The following SLC44A3 variants were observed in gnomAD, a reference collection of about 807,000 sequenced individuals.
SLC44A3 encodes solute carrier family 44 member 3, also known as choline transporter-like protein 3.
Under a neutral mutation model 75.4 loss-of-function variants are expected in SLC44A3, and 74 were observed. The observed-to-expected ratio is 0.98, with a 90% CI of 0.81 to 1.19. SLC44A3 has a LOEUF of 1.19. SLC44A3 is among the 50% of genes most tolerant of loss of function. The pLI is 0.00. For missense variants in SLC44A3, 700 were observed against 778.6 expected, an observed-to-expected ratio of 0.90 and a Z score of 1.20; for synonymous variants, 310 against 296.9, an observed-to-expected ratio of 1.04 and a Z score of -0.45.
chr1:94,822,860 A>C (rs1385205417), intron 2 of SLC44A3, among the ~76,000 whole-genome samples: 1 of 152,194 alleles, frequency 6.6e-6, no homozygotes, highest in Non-Finnish European at 1.5e-5. Context: ...CCTGTCATAT[A>C]GAATCGCAAT....
Position 94,828,521 on chromosome 1 carries a change from T to C in SLC44A3, c.444T>C (p.Asn148=). 6.2e-7 allele frequency: 1 copy of C among 1,613,968 alleles called. No individual in the cohort carries two copies. Among genetic ancestry groups the C allele is most frequent in the Non-Finnish European group, 8.5e-7 (1 of 1,179,900 alleles). Residue 148 remains asparagine (N), a synonymous_variant, in exon 5 of 15, where the codon AAT becomes AAC. Transcript: ENST00000271227. Reference sequence around the variant, plus strand: ...CCTTCCTGTGTGTTTATAGTTTGAATTCCTTCAACTATACCCACAGTCCAA... The same window carrying C: ...CCTTCCTGTGTGTTTATAGTTTGAACTCCTTCAACTATACCCACAGTCCAA... The part of the protein sequence containing the change: ...SGSFLCVYSL[N]SFNYTHSPKA...
At chr1:94,881,870 A>AT (rs397796743) in intron 12 of SLC44A3, among the ~76,000 whole-genome samples, 1 of 149,750 alleles carries the variant, frequency 6.7e-6, no homozygotes. Flanking sequence ...AAAAAAAAAA[A>AT]TTAGCTGGGC....
chr1:94,892,601 C>T (rs1571496333), intron 14 of SLC44A3, 84 bp downstream of exon 14: 11 of 1,286,824 alleles, frequency 8.5e-6, no homozygotes, highest in East Asian at 2.3e-5. Context: ...GAAAGAGGCT[C>T]ATACCCAGCC....
intron 9 of SLC44A3, among the ~76,000 whole-genome samples, chr1:94,849,659 G>A (rs1384302935): frequency 6.6e-6 from 1 of 152,230 alleles, no homozygotes; most frequent in Non-Finnish European, 1.5e-5. Context: ...ACGTCCCACA[G>A]GCAGCTTCAG....
chr1:94,874,855 G>A (rs1478031457), intron 12 of SLC44A3, among the ~76,000 whole-genome samples: 1 of 152,216 alleles, frequency 6.6e-6, no homozygotes, highest in Non-Finnish European at 1.5e-5. Context: ...GACTCTTGAA[G>A]TTTTGAAGAC....
chr1:94,888,719 T>A, intron 12 of SLC44A3: 2 of 969,080 alleles, frequency 2.1e-6, no homozygotes, highest in Non-Finnish European at 2.4e-6. Flanking sequence ...ATCAGGGATA[T>A]GGTTTCCAGC....
At chr1:94,849,747 T>C (rs543373784) in intron 9 of SLC44A3, among the ~76,000 whole-genome samples, 89 of 152,236 alleles carry the variant, frequency 5.8e-4, no homozygotes, top group Non-Finnish European at 1.0e-3. Flanking sequence ...TGTTTGTTTG[T>C]TTTTGTGTTT....
At chr1:94,893,392 T>C (rs1369732172) in intron 14 of SLC44A3, among the ~76,000 whole-genome samples, 1 of 152,124 alleles carries the variant, frequency 6.6e-6, no homozygotes, top group African/African-American at 2.4e-5. Context: ...TTTTACTTTT[T>C]TTTTTGAGAC....
At chr1:94,872,812 G>A (rs746870092) in intron 12 of SLC44A3, among the ~76,000 whole-genome samples, 39 of 152,224 alleles carry the variant, frequency 2.6e-4, no homozygotes, top group Middle Eastern at 3.2e-3. Flanking sequence ...GAAATGGGGG[G>A]AGAGTGGAAA....
chr1:94,823,023 G>A (rs536672210), intron 2 of SLC44A3, among the ~76,000 whole-genome samples: 48 of 152,024 alleles, frequency 3.2e-4, no homozygotes, highest in Non-Finnish European at 5.4e-4. Flanking sequence ...TAATCATAAA[G>A]TCATAGTTTT....
rs117442834 is a variant in SLC44A3, at chr1:94,857,712, C to A, written c.1238+212C>A. On this transcript the variant is annotated intron_variant, in intron 10 of 14. Transcript: ENST00000271227. ...ATCTGTCACATTTCCAACCTTTTTACTTTAAGCTAGAAAATTTAGAAAGAA... is the reference window on the plus strand; with the variant it reads ...ATCTGTCACATTTCCAACCTTTTTAATTTAAGCTAGAAAATTTAGAAAGAA... 7.3e-4 allele frequency among the ~76,000 whole-genome samples: 110 copies of A among 151,556 alleles called. 1 individual carries two copies. The East Asian group carries it at 0.019, about 26-fold the overall frequency.
chr1:94,864,485 T>G (rs539988447), intron 10 of SLC44A3, among the ~76,000 whole-genome samples: 6 of 152,360 alleles, frequency 3.9e-5, no homozygotes, highest in African/African-American at 1.4e-4. Context: ...CTCTGCATTA[T>G]GAAGAGGGAA....
intron 9 of SLC44A3, among the ~76,000 whole-genome samples, chr1:94,854,817 C>T (rs1665667045): frequency 6.8e-6 from 1 of 147,248 alleles, no homozygotes; most frequent in South Asian, 2.1e-4. Flanking sequence ...GGAGGGAGAG[C>T]TTCCTGGCAT....
chr1:94,845,146 A>G lies in SLC44A3; in HGVS notation c.886-132A>G. On this transcript the variant is annotated intron_variant, in intron 8 of 14. Coordinates refer to ENST00000271227, the MANE Select transcript of SLC44A3 (RefSeq NM_001114106.3). ...TGTTTGCGAATGCATCTGTAAAATTATAACAAAGTAGTGAGTAACTATCTT... is the reference window on the plus strand; with the variant it reads ...TGTTTGCGAATGCATCTGTAAAATTGTAACAAAGTAGTGAGTAACTATCTT... 9 of 952,348 alleles carry G rather than the reference A, an allele frequency of 9.5e-6. No individual in the cohort carries two copies. The South Asian group carries it at 1.7e-4, about 17-fold the overall frequency. The allele number at this position is 952,348 out of a possible 1,614,324, so 59.0% of individuals were successfully genotyped here. A position where few individuals can be genotyped will look rare whatever the true frequency, so the allele number is the denominator to read the frequency against.
chr1:94,890,918 A>AT (rs1670133603), intron 12 of SLC44A3, among the ~76,000 whole-genome samples: 1 of 152,232 alleles, frequency 6.6e-6, no homozygotes, highest in South Asian at 2.1e-4. Flanking sequence ...CATATTAACC[A>AT]TAAGTACCTA....
At chr1:94,876,659 A>G (rs959705532) in intron 12 of SLC44A3, among the ~76,000 whole-genome samples, 1 of 152,222 alleles carries the variant, frequency 6.6e-6, no homozygotes, top group African/African-American at 2.4e-5. Context: ...CAGGACTCCC[A>G]TGACACCCCA....
At chr1:94,884,681 C>T (rs1049674606) in intron 12 of SLC44A3, among the ~76,000 whole-genome samples, 3 of 152,050 alleles carry the variant, frequency 2.0e-5, no homozygotes, top group Non-Finnish European at 4.4e-5. Flanking sequence ...TTTGAAGAGT[C>T]GGCAGAAACC....
At chr1:94,840,911 C>T (rs1034867465) in intron 7 of SLC44A3, among the ~76,000 whole-genome samples, 12 of 152,258 alleles carry the variant, frequency 7.9e-5, no homozygotes, top group East Asian at 1.9e-4. Context: ...GACAAGGGCA[C>T]GCAGGAGGCT....
chr1:94,842,506 A>G (rs960898960), intron 8 of SLC44A3, among the ~76,000 whole-genome samples: 17 of 152,224 alleles, frequency 1.1e-4, no homozygotes, highest in African/African-American at 4.1e-4. Flanking sequence ...GCCCTCTAGC[A>G]CACAGAGCCC....
Sources: allele counts gnomAD v4.1 joint callset (sites outside exome capture counted in the v4.1 genomes callset), GRCh38; gene constraint gnomAD v4.1.1; transcripts MANE v1.5; gene names NCBI Gene and HGNC (gene_info 2026-07-23, HGNC 2026-07-21).